Variants in MAD1L1 observed in about 807,000 individuals in gnomAD.
The protein encoded by MAD1L1 is mitotic spindle assembly checkpoint protein MAD1.
Under a neutral mutation model 96.9 loss-of-function variants are expected in MAD1L1, and 95 were observed. That is an observed-to-expected ratio of 0.98 (90% CI 0.83 to 1.16). The LOEUF (loss-of-function observed/expected upper bound fraction) is 1.16, where lower values mean the gene tolerates loss of function less well. MAD1L1 is among the 50% of genes most tolerant of loss of function. The pLI is 0.00. For missense variants in MAD1L1, 1,007 were observed against 954.4 expected (o/e 1.06, Z -0.73); for synonymous variants, 473 against 396.6 (o/e 1.19, Z -2.29).
At chr7:2,045,909 C>A (rs1398713184) in intron 12 of MAD1L1, among the ~76,000 whole-genome samples, 1 of 152,202 alleles carries the variant, frequency 6.6e-6, no homozygotes, top group Non-Finnish European at 1.5e-5. Context: ...TGGAGCTGAG[C>A]CATCATCTTT....
At chr7:2,186,072 A>G (rs1637751) in intron 10 of MAD1L1, among the ~76,000 whole-genome samples, 26,634 of 152,240 alleles carry the variant, frequency 0.17, 5,518 homozygotes, top group African/African-American at 0.5. Context: ...CGGAAACACT[A>G]ACAACATCAA....
At chr7:2,156,672 T>G (rs1212202013) in intron 10 of MAD1L1, among the ~76,000 whole-genome samples, 2 of 151,806 alleles carry the variant, frequency 1.3e-5, no homozygotes, top group Admixed American at 1.3e-4. Context: ...ATACAAAAAA[T>G]TAGCCGGGTG....
intron 18 of MAD1L1, among the ~76,000 whole-genome samples, chr7:1,858,781 GC>G (rs5881909): frequency 1.3e-5 from 2 of 152,210 alleles, no homozygotes; most frequent in Admixed American, 1.3e-4. Flanking sequence ...AGGGCAAGGG[GC>G]CCCCAGCTGG....
chr7:2,015,678 G>C (rs1250490236), intron 12 of MAD1L1, among the ~76,000 whole-genome samples: 1 of 152,224 alleles, frequency 6.6e-6, no homozygotes, highest in African/African-American at 2.4e-5. Flanking sequence ...GCAGATTCCA[G>C]GCGCAGGCTG....
At chr7:1,982,710 C>A (rs1478502014) in intron 14 of MAD1L1, among the ~76,000 whole-genome samples, 1 of 152,194 alleles carries the variant, frequency 6.6e-6, no homozygotes, top group African/African-American at 2.4e-5. Context: ...CCCTTGTCTA[C>A]TTTGGATGAC....
At chr7:2,232,215 CAGTTTCTG>C (rs1435821570) in intron 1 of MAD1L1, among the ~76,000 whole-genome samples, 1 of 152,266 alleles carries the variant, frequency 6.6e-6, no homozygotes, top group Admixed American at 6.5e-5. Context: ...TGCAGCTGCA[CAGTTTCTG>C]AGTTTCCATT....
chr7:2,068,919 C>T (rs1190716165), intron 12 of MAD1L1, among the ~76,000 whole-genome samples: 4 of 152,172 alleles, frequency 2.6e-5, no homozygotes, highest in African/African-American at 7.2e-5. Flanking sequence ...GACAGGGAAC[C>T]CTCTCCAGAG....
intron 13 of MAD1L1, 82 bp from the exon 14 acceptor site, chr7:2,002,203 C>A: frequency 7.4e-7 from 1 of 1,345,492 alleles, no homozygotes; most frequent in East Asian, 2.3e-5. Context: ...CAACCCCCAC[C>A]ACCCCGCAGC....
chr7:2,168,691 A>C (rs1790556726), intron 10 of MAD1L1, among the ~76,000 whole-genome samples: 1 of 152,254 alleles, frequency 6.6e-6, no homozygotes, highest in South Asian at 2.1e-4. Context: ...AGCCGCGAGA[A>C]GGCACAGGAC....
intron 17 of MAD1L1, among the ~76,000 whole-genome samples, chr7:1,913,479 C>T (rs1215305602): frequency 1.3e-5 from 2 of 152,116 alleles, no homozygotes; most frequent in Admixed American, 6.5e-5. Context: ...AGGCCAAAGG[C>T]TTTACCTTCT....
At chr7:2,067,251 G>A (rs944125689) in intron 12 of MAD1L1, among the ~76,000 whole-genome samples, 10 of 150,682 alleles carry the variant, frequency 6.6e-5, no homozygotes, top group African/African-American at 7.4e-5. Flanking sequence ...ATCAGGCCAC[G>A]TTCGCAGGCA....
At chr7:2,136,346 C>T (rs10251397) in intron 11 of MAD1L1, among the ~76,000 whole-genome samples, 8,775 of 152,232 alleles carry the variant, frequency 0.058, 858 homozygotes, top group African/African-American at 0.2. Flanking sequence ...CTGAGTGGCT[C>T]CACAACCTTG....
At chr7:1,979,792 A>G (rs1183228945) in intron 15 of MAD1L1, among the ~76,000 whole-genome samples, 2 of 151,912 alleles carry the variant, frequency 1.3e-5, no homozygotes, top group Non-Finnish European at 2.9e-5. Flanking sequence ...TCTGAGCCAC[A>G]CTCCCGTGCA....
chr7:2,203,599 T>C (rs1299288793), intron 10 of MAD1L1, among the ~76,000 whole-genome samples: 2 of 152,016 alleles, frequency 1.3e-5, no homozygotes, highest in African/African-American at 4.8e-5. Context: ...GCTGCTGGAG[T>C]CTGAGTCCGT....
intron 10 of MAD1L1, among the ~76,000 whole-genome samples, chr7:2,188,359 TCAAGGGACC>T (rs541567895): frequency 1.3e-5 from 2 of 152,316 alleles, no homozygotes; most frequent in African/African-American, 4.8e-5. Context: ...ATATGGAATC[TCAAGGGACC>T]CAAAGGTCCC....
chr7:1,898,110 C>A, intron 18 of MAD1L1, 90 bp downstream of exon 18: 2 of 1,369,100 alleles, frequency 1.5e-6, no homozygotes, highest in Non-Finnish European at 2.0e-6. Context: ...GGACGCGAGG[C>A]TGCTCCTTTG....
At chr7:2,158,681 C>T (rs897871044) in intron 10 of MAD1L1, among the ~76,000 whole-genome samples, 5 of 152,226 alleles carry the variant, frequency 3.3e-5, no homozygotes, top group Admixed American at 1.3e-4. Context: ...TCATGTCAGC[C>T]GGACTTTTCT....
rs567931543 is a variant in MAD1L1, at chr7:2,186,214, G to C, written c.986+26998C>G. Among the ~76,000 whole-genome samples the C allele has an allele frequency of 2.7e-3, 407 of 152,284 alleles. 2 individuals carry two copies. Among genetic ancestry groups the C allele is most frequent in the Non-Finnish European group, 1.8e-3 (120 of 68,004 alleles). On this transcript the variant is annotated intron_variant, in intron 10 of 18. Coordinates refer to ENST00000265854, the MANE Select transcript of MAD1L1 (RefSeq NM_001013836.2). ...GTCTTAGCATTCCCATCAATAAAAA[G>C]AATGTTTCAGATACACTTAAAAAAT... is the stretch of plus-strand genomic sequence containing the variant.
intron 18 of MAD1L1, among the ~76,000 whole-genome samples, chr7:1,860,577 T>C (rs1434950431): frequency 6.6e-6 from 1 of 152,168 alleles, no homozygotes; most frequent in Non-Finnish European, 1.5e-5. Flanking sequence ...AAACGCTTTG[T>C]TCTTCCCCAG....
Sources: allele counts gnomAD v4.1 joint callset (sites outside exome capture counted in the v4.1 genomes callset), GRCh38; gene constraint gnomAD v4.1.1; transcripts MANE v1.5; gene names NCBI Gene and HGNC (gene_info 2026-07-23, HGNC 2026-07-21).